LARGE1: variants seen among roughly 807,000 people sequenced by gnomAD.
LARGE1 encodes xylosyl- and glucuronyltransferase LARGE1.
LARGE1 carries 43 observed loss-of-function variants against 87.6 expected under a neutral mutation model. That is an observed-to-expected ratio of 0.49 (90% confidence interval 0.38 to 0.63). The LOEUF (loss-of-function observed/expected upper bound fraction) is 0.63. Among genes scored for constraint, LARGE1 ranks in the 30% least tolerant of loss-of-function variants. The pLI is 0.00. For missense variants in LARGE1, 802 were observed against 1,000.2 expected (o/e 0.80, Z 2.67); for synonymous variants, 434 against 394.6 (o/e 1.10, Z -1.18).
intron 2 of LARGE1, among the ~76,000 whole-genome samples, chr22:33,761,159 C>T (rs2084715730): frequency 6.6e-6 from 1 of 152,034 alleles, no homozygotes; most frequent in Admixed American, 6.6e-5. Context: ...ACTCCCACTA[C>T]ATCAAGGTAT....
the LARGE1 span, among the ~76,000 whole-genome samples, chr22:33,089,363 CT>C: frequency 3.6e-4 from 25 of 69,698 alleles, no homozygotes; most frequent in South Asian, 6.2e-4. Context: ...TCTTCTTCTT[CT>C]TCTTCTCCTT....
At chr22:33,680,667 G>C (rs1181373250) in intron 2 of LARGE1, among the ~76,000 whole-genome samples, 1 of 152,162 alleles carries the variant, frequency 6.6e-6, no homozygotes, top group Non-Finnish European at 1.5e-5. Context: ...GGCCGCCCAT[G>C]AGTGTGAAAG....
chr22:33,784,128 A>C (rs1451038329), intron 1 of LARGE1, among the ~76,000 whole-genome samples: 1 of 152,160 alleles, frequency 6.6e-6, no homozygotes, highest in East Asian at 1.9e-4. Context: ...CTTAATTAGA[A>C]TGGCTTTTCG....
chr22:33,377,930 C>T (rs943362901), intron 9 of LARGE1, among the ~76,000 whole-genome samples: 7 of 152,146 alleles, frequency 4.6e-5, no homozygotes, highest in Non-Finnish European at 8.8e-5. Flanking sequence ...TTTTGAGAAT[C>T]TACTATTCCT....
intron 2 of LARGE1, among the ~76,000 whole-genome samples, chr22:33,696,829 G>A (rs971129193): frequency 1.3e-5 from 2 of 152,062 alleles, no homozygotes; most frequent in East Asian, 1.9e-4. Flanking sequence ...TTTTTGAACA[G>A]TTGCTCTAGG....
chr22:33,882,317 A>G (rs963282137), intron 1 of LARGE1, among the ~76,000 whole-genome samples: 3 of 152,148 alleles, frequency 2.0e-5, no homozygotes, highest in Non-Finnish European at 4.4e-5. Context: ...GGCTTGAGCC[A>G]CCGCACCCGG....
In LARGE1 at chr22:33,396,838, G is replaced by A. The variant is rs2413183; in HGVS notation, c.893-12534C>T. 9.5e-3 allele frequency among the ~76,000 whole-genome samples: 1,446 copies of A among 152,286 alleles called. 13 individuals carry two copies. The highest frequency in any genetic ancestry group is 0.016 in the Non-Finnish European group (1,086 of 68,016). On this transcript the variant is annotated intron_variant, in intron 7 of 14. Coordinates refer to ENST00000397394, the MANE Select transcript of LARGE1 (RefSeq NM_133642.5). ...TATCTCACTGGACAGAAATCATTTG[G>A]CCAAGGTTGTGATAGAACTAAGGAC...
intron 4 of LARGE1, among the ~76,000 whole-genome samples, chr22:33,605,674 A>C (rs1384949739): frequency 6.6e-6 from 1 of 152,266 alleles, no homozygotes; most frequent in Non-Finnish European, 1.5e-5. Flanking sequence ...GTGCTACTAC[A>C]AATAATGACA....
intron 2 of LARGE1, among the ~76,000 whole-genome samples, chr22:33,731,039 G>A (rs546095371): frequency 3.2e-4 from 42 of 129,426 alleles, no homozygotes; most frequent in Admixed American, 7.3e-4. Flanking sequence ...GTCTTGTTCT[G>A]TTGCCCAGGC....
intron 7 of LARGE1, among the ~76,000 whole-genome samples, chr22:33,394,527 G>T (rs1327377614): frequency 6.6e-6 from 1 of 152,142 alleles, no homozygotes; most frequent in Non-Finnish European, 1.5e-5. Flanking sequence ...TGACAAACTT[G>T]CAAAGTAGAT....
intron 2 of LARGE1, among the ~76,000 whole-genome samples, chr22:33,754,616 G>A (rs1302324456): frequency 3.3e-5 from 5 of 152,176 alleles, no homozygotes; most frequent in African/African-American, 7.2e-5. Flanking sequence ...GATTACAGGC[G>A]TGAGCCACCG....
Position 33,776,108 on chromosome 22 carries a change from T to A in LARGE1, c.-82-14550A>T, listed in dbSNP as rs556688488. 9.8e-5 allele frequency among the ~76,000 whole-genome samples: 15 copies of A among 152,308 alleles called. 1 individual carries two copies. Among genetic ancestry groups the A allele is most frequent in the African/African-American group, 3.1e-4 (13 of 41,566 alleles). On this transcript the variant is annotated intron_variant, in intron 1 of 14. Coordinates refer to ENST00000397394, the MANE Select transcript of LARGE1 (RefSeq NM_133642.5). ...CATGCACAAAAGATGACCTGCAAAT[T>A]CACTGTGGTCATCTTTATCTTTTCC...
At chr22:33,075,284 C>A in the LARGE1 span, among the ~76,000 whole-genome samples, 1 of 151,932 alleles carries the variant, frequency 6.6e-6, no homozygotes, top group Non-Finnish European at 1.5e-5. Flanking sequence ...CTCCAAATAC[C>A]GTGGTCTTCT....
At position 33,316,150 on chromosome 22, in the gene LARGE1, G is replaced by C; in HGVS notation, c.1386C>G (p.His462Gln). ...TVHRTHLYFL[H>Q]YEYEPAADST... ...TGTCTGCTGCAGGCTCATACTCGTA[G>C]TGCAGGAAGTACAGGTGGGTGCGGT... Residue 462 changes from histidine (H) to glutamine (Q), a missense_variant, in exon 11 of 15, where the codon CAC (histidine) becomes CAG (glutamine). Around this residue, in one of 2 missense-constraint regions of LARGE1, gnomAD observed 625 missense variants for 841.9 expected, o/e 0.74. Transcript: ENST00000397394. 2 of 1,614,152 alleles carry C rather than the reference G, an allele frequency of 1.2e-6. No homozygotes were observed. The highest frequency in any genetic ancestry group is 1.7e-6 in the Non-Finnish European group (2 of 1,180,022).
At chr22:33,657,478 T>C (rs1195936512) in intron 2 of LARGE1, among the ~76,000 whole-genome samples, 5 of 152,204 alleles carry the variant, frequency 3.3e-5, no homozygotes, top group Non-Finnish European at 5.9e-5. Context: ...TCGCAGGCTA[T>C]GCTATCTCTG....
intron 9 of LARGE1, among the ~76,000 whole-genome samples, chr22:33,354,435 G>T (rs1300794774): frequency 6.6e-6 from 1 of 152,290 alleles, no homozygotes; most frequent in African/African-American, 2.4e-5. Flanking sequence ...ACACTATAAA[G>T]AAATCAATTT....
At chr22:33,335,534 C>T (rs977247276) in intron 10 of LARGE1, among the ~76,000 whole-genome samples, 1 of 152,204 alleles carries the variant, frequency 6.6e-6, no homozygotes, top group East Asian at 1.9e-4. Flanking sequence ...AAAGAATTCT[C>T]ACTACATCCA....
intron 11 of LARGE1, among the ~76,000 whole-genome samples, chr22:33,238,843 A>G (rs1395778093): frequency 1.3e-5 from 2 of 152,226 alleles, no homozygotes; most frequent in Non-Finnish European, 2.9e-5. Flanking sequence ...TGGAAAATGT[A>G]TAGCCTTAAA....
At chr22:33,551,714 T>A (rs1219610101) in intron 6 of LARGE1, among the ~76,000 whole-genome samples, 1 of 152,214 alleles carries the variant, frequency 6.6e-6, no homozygotes, top group Non-Finnish European at 1.5e-5. Context: ...TTGTCCAGAA[T>A]GTCCTTGGAA....
Sources: gnomAD v4.1 joint callset for allele counts (sites outside exome capture counted in the v4.1 genomes callset) on GRCh38, gnomAD v4.1.1 for gene constraint, gnomAD v4.1.1 regional missense constraint, MANE v1.5 for transcripts, NCBI Gene and HGNC (gene_info 2026-07-23, HGNC 2026-07-21) for gene names.